Variants in C9 observed in about 807,000 individuals in gnomAD.
C9 encodes complement component C9.
C9 carries 63 observed loss-of-function variants against 65.4 expected under a neutral mutation model. The ratio of observed to expected loss-of-function variants is 0.96; its 90% CI spans 0.79 to 1.19. The LOEUF (loss-of-function observed/expected upper bound fraction) is 1.19, where lower values mean the gene tolerates loss of function less well. Among genes scored for constraint, C9 ranks in the 50% most tolerant of loss-of-function variants. C9 has a pLI of 0.00. For synonymous variants in C9, 229 were observed against 227.9 expected (o/e 1.00, Z -0.04); for missense variants, 744 against 670.1 (o/e 1.11, Z -1.22).
chr5:39,284,879 T>G lies in C9; in HGVS notation c.*320A>C. The stretch of plus-strand genomic sequence containing the variant: ...AAGCCGTTTGAAAATTACTTTGAAG[T>G]TTTTTAAACCAACATTCTGTTTTTA... On this transcript the variant is annotated 3_prime_UTR_variant, in exon 11 of 11. Coordinates refer to ENST00000263408, the MANE Select transcript of C9 (RefSeq NM_001737.5). The G allele has an allele frequency of 2.9e-6, 1 of 349,874 alleles. No individual in the cohort carries two copies. The highest frequency in any genetic ancestry group is 5.2e-6 in the Non-Finnish European group (1 of 191,108). 21.7% of individuals were successfully genotyped at this position (349,874 alleles called of 1,614,324 possible).
intron 9 of C9, among the ~76,000 whole-genome samples, chr5:39,303,159 C>T (rs549632911): frequency 5.3e-5 from 8 of 152,194 alleles, no homozygotes; most frequent in African/African-American, 1.9e-4. Context: ...TAATTTGTAG[C>T]AGTAGGTTTA....
At chr5:39,309,570 T>TAAG (rs1753443591) in intron 7 of C9, among the ~76,000 whole-genome samples, 1 of 152,176 alleles carries the variant, frequency 6.6e-6, no homozygotes, top group Non-Finnish European at 1.5e-5. Context: ...ACCTTATCCT[T>TAAG]AAGAAGTGTG....
intron 5 of C9, among the ~76,000 whole-genome samples, chr5:39,327,541 G>T (rs547443959): frequency 1.3e-5 from 2 of 152,228 alleles, no homozygotes; most frequent in African/African-American, 4.8e-5. Context: ...TTGATGACTA[G>T]GTTGATATTA....
At chr5:39,307,630 C>T (rs958028254) in intron 8 of C9, among the ~76,000 whole-genome samples, 1 of 152,044 alleles carries the variant, frequency 6.6e-6, no homozygotes, top group Non-Finnish European at 1.5e-5. Context: ...GAGCTTTAAG[C>T]ATTTGTATTT....
intron 10 of C9, 114 bp from the exon 11 acceptor site, chr5:39,285,347 T>G (rs1752972433): frequency 1.2e-6 from 1 of 809,748 alleles, no homozygotes; most frequent in African/African-American, 1.7e-5. Context: ...TGTGCCATAC[T>G]GTCTAGGTAC....
intron 5 of C9, 28 bp downstream of exon 5, chr5:39,331,647 AC>A (rs1753841301): frequency 1.2e-6 from 2 of 1,609,592 alleles, no homozygotes; most frequent in Admixed American, 3.3e-5. Flanking sequence ...CAAAAGTTGA[AC>A]AATGTGTTTT....
At chr5:39,302,366 T>C (rs35254) in intron 9 of C9, among the ~76,000 whole-genome samples, 64,787 of 151,886 alleles carry the variant, frequency 0.43, 14,704 homozygotes, top group East Asian at 0.64. Flanking sequence ...AAAGTATAAA[T>C]AAGTTGATAA....
chr5:39,341,953 T>C, intron 2 of C9, 138 bp downstream of exon 2: 2 of 714,302 alleles, frequency 2.8e-6, no homozygotes, highest in Non-Finnish European at 5.1e-6. Context: ...GTTAGCAACA[T>C]ACATTTAAAT....
At position 39,341,604 on chromosome 5, in the gene C9, A is replaced by G. The variant is rs1463273584; in HGVS notation, c.280T>C (p.Cys94Arg). 5.6e-6 allele frequency: 9 copies of G among 1,613,978 alleles called. No individual in the cohort carries two copies. The East Asian group carries it at 6.7e-5, about 12-fold the overall frequency. The change falls in exon 3 of 11, where the codon TGT becomes CGT. Residue 94 changes from cysteine to arginine, a missense_variant. Transcript: ENST00000263408. ...DRRQCVPTEPCEDAEDDCGND... is the reference protein window; with the variant it reads ...DRRQCVPTEPREDAEDDCGND... Reference sequence around the variant, plus strand: ...CCGCAGTCATCCTCAGCATCCTCACAGGGCTCTGTGGGCACACACTGTCGT... The same window carrying G: ...CCGCAGTCATCCTCAGCATCCTCACGGGGCTCTGTGGGCACACACTGTCGT...
chr5:39,301,757 A>G (rs577550741), intron 9 of C9, among the ~76,000 whole-genome samples: 58 of 152,236 alleles, frequency 3.8e-4, no homozygotes, highest in Admixed American at 5.9e-4. Context: ...TATTTGCAAA[A>G]CTTTAGTTGT....
At chr5:39,319,700 T>A (rs916015313) in intron 5 of C9, among the ~76,000 whole-genome samples, 3 of 151,902 alleles carry the variant, frequency 2.0e-5, no homozygotes, top group Non-Finnish European at 2.9e-5. Flanking sequence ...TCTAGGGCCA[T>A]CCCAGTGCAA....
intron 1 of C9, among the ~76,000 whole-genome samples, chr5:39,360,517 G>T (rs866027975): frequency 3.3e-5 from 5 of 152,160 alleles, no homozygotes; most frequent in Middle Eastern, 3.4e-3. Flanking sequence ...AAAGTCAAAG[G>T]AAGAATGACA....
At chr5:39,338,633 A>T (rs543971738) in intron 4 of C9, among the ~76,000 whole-genome samples, 23 of 152,320 alleles carry the variant, frequency 1.5e-4, no homozygotes, top group Non-Finnish European at 3.2e-4. Flanking sequence ...GAATTTAATT[A>T]AAAAATGTTG....
chr5:39,289,358 C>T (rs1034392612), intron 9 of C9, among the ~76,000 whole-genome samples: 1 of 151,634 alleles, frequency 6.6e-6, no homozygotes, highest in Non-Finnish European at 1.5e-5. Context: ...CAGATGCTTG[C>T]TATCTCTTGC....
intron 2 of C9, 49 bp from the exon 3 acceptor site, chr5:39,341,749 G>A (rs1408615502): frequency 1.3e-6 from 2 of 1,577,398 alleles, no homozygotes; most frequent in East Asian, 2.2e-5. Flanking sequence ...CCAAAAAAAG[G>A]GTATGGTCTA....
intron 4 of C9, among the ~76,000 whole-genome samples, chr5:39,339,651 CTTTTTTTTTTT>C (rs550624256): frequency 3.5e-5 from 2 of 57,492 alleles, no homozygotes; most frequent in African/African-American, 7.4e-5. Context: ...TCTTTTCTCT[CTTTTTTTTTTT>C]TTTTTTTTTT....
At chr5:39,337,706 T>G (rs1753995336) in intron 4 of C9, among the ~76,000 whole-genome samples, 1 of 152,228 alleles carries the variant, frequency 6.6e-6, no homozygotes, top group Non-Finnish European at 1.5e-5. Context: ...GCCTTTTCAA[T>G]GAATGCAAGA....
At chr5:39,351,856 GC>G (rs1242128573) in intron 1 of C9, among the ~76,000 whole-genome samples, 27 of 152,130 alleles carry the variant, frequency 1.8e-4, no homozygotes, top group African/African-American at 6.5e-4. Context: ...TCCAACCTCT[GC>G]CTGTTACCCA....
At chr5:39,304,311 G>A (rs1439206810) in intron 9 of C9, among the ~76,000 whole-genome samples, 1 of 152,090 alleles carries the variant, frequency 6.6e-6, no homozygotes, top group African/African-American at 2.4e-5. Context: ...ATATTGACCA[G>A]TTTATAGTTT....
Sources: allele counts gnomAD v4.1 joint callset (sites outside exome capture counted in the v4.1 genomes callset), GRCh38; gene constraint gnomAD v4.1.1; transcripts MANE v1.5; gene names NCBI Gene and HGNC (gene_info 2026-07-23, HGNC 2026-07-21).